ATP11C: variants seen among roughly 807,000 people sequenced by gnomAD.
ATP11C encodes ATPase phospholipid transporting 11C (ATP11C blood group).
ATP11C carries 36 observed loss-of-function variants against 97.4 expected under a neutral mutation model. That is an observed-to-expected ratio of 0.37 (90% CI 0.28 to 0.49). The LOEUF (loss-of-function observed/expected upper bound fraction) is 0.49, where lower values mean the gene tolerates loss of function less well. Ranked by LOEUF, ATP11C falls within the 20% of genes least tolerant of loss-of-function variation. The pLI, the probability that ATP11C is intolerant of heterozygous loss-of-function variation, is 0.98. For missense variants in ATP11C, 730 were observed against 824.6 expected (o/e 0.89, Z 1.40); for synonymous variants, 275 against 290.9 (o/e 0.95, Z 0.56).
chrX:139,777,499 A>G (rs961260210), intron 18 of ATP11C, among the ~76,000 whole-genome samples: 1 of 110,993 alleles, frequency 9.0e-6, no homozygotes, highest in African/African-American at 3.3e-5. Flanking sequence ...AACATGAGCA[A>G]AGTCTTTGAG....
intron 1 of ATP11C, among the ~76,000 whole-genome samples, chrX:139,844,813 C>T (rs1192058643): frequency 8.9e-6 from 1 of 111,842 alleles, no homozygotes; most frequent in Non-Finnish European, 1.9e-5. Context: ...AGAAAGCCAA[C>T]TCTATCTCAG....
chrX:139,805,882 T>C (rs984493211), intron 5 of ATP11C, among the ~76,000 whole-genome samples: 7 of 112,574 alleles, frequency 6.2e-5, no homozygotes, highest in Non-Finnish European at 1.1e-4. Context: ...GCATCAATAA[T>C]TGAACTAACT....
chrX:139,754,095 A>C (rs747618126), intron 23 of ATP11C, among the ~76,000 whole-genome samples: 5 of 111,584 alleles, frequency 4.5e-5, no homozygotes, highest in Non-Finnish European at 7.5e-5. Context: ...CTAATACAGA[A>C]AAAAAAGAGA....
intron 1 of ATP11C, among the ~76,000 whole-genome samples, chrX:139,860,874 T>G (rs1248560414): frequency 8.9e-6 from 1 of 112,160 alleles, no homozygotes. Context: ...CTAATAACCT[T>G]GAAACCATCA....
At chrX:139,905,690 T>C (rs1259937791) in intron 1 of ATP11C, among the ~76,000 whole-genome samples, 2 of 112,056 alleles carry the variant, frequency 1.8e-5, no homozygotes, top group East Asian at 5.6e-4. Context: ...GGAAAAGTTT[T>C]TTTTTTAAAG....
At chrX:139,757,296 G>A (rs1012048709) in intron 23 of ATP11C, among the ~76,000 whole-genome samples, 2 of 111,329 alleles carry the variant, frequency 1.8e-5, no homozygotes, top group African/African-American at 6.5e-5. Flanking sequence ...AAGATGTCTC[G>A]CCATCCTACC....
intron 1 of ATP11C, among the ~76,000 whole-genome samples, chrX:139,861,269 G>C (rs1352103561): frequency 1.8e-5 from 2 of 111,781 alleles, no homozygotes; most frequent in Non-Finnish European, 3.8e-5. Flanking sequence ...GTAGATCTGA[G>C]AAGCATGAAG....
At chrX:139,873,651 G>C (rs756979981) in intron 1 of ATP11C, among the ~76,000 whole-genome samples, 2 of 94,194 alleles carry the variant, frequency 2.1e-5, no homozygotes, top group African/African-American at 8.2e-5. Context: ...AGGCTGCAGC[G>C]AGCCAAGATC....
At chrX:139,800,590 G>T (rs2082906598) in intron 7 of ATP11C, among the ~76,000 whole-genome samples, 1 of 111,597 alleles carries the variant, frequency 9.0e-6, no homozygotes, top group Non-Finnish European at 1.9e-5. Context: ...TTCTGATTCA[G>T]GTTCCCCAGT....
chrX:139,782,661 C>G lies in ATP11C; in HGVS notation c.1838G>C (p.Arg613Thr). Residue 613 changes from arginine (R) to threonine (T), a missense_variant, in exon 18 of 30, where the codon AGA (arginine) becomes ACA (threonine). Arg to Thr is a moderately conservative substitution (Grantham distance 71). Coordinates refer to ENST00000682941, the MANE Select transcript of ATP11C (RefSeq NM_001353812.2). ...GGCCATTTTTGCCTCTATGAGCTGT[C>G]TGTTAATTCTTTCATAATCATCTGG... ...IAPDDYERIN[R>T]QLIEAKMALQ... The G allele has an allele frequency of 8.3e-7, 1 of 1,205,991 alleles. No homozygotes were observed. Among genetic ancestry groups the G allele is most frequent in the Non-Finnish European group, 1.1e-6 (1 of 891,782 alleles).
intron 1 of ATP11C, among the ~76,000 whole-genome samples, chrX:139,929,787 T>A (rs1048595014): frequency 1.8e-5 from 2 of 111,987 alleles, no homozygotes; most frequent in Non-Finnish European, 3.8e-5. Flanking sequence ...AATTCTAGTC[T>A]TCTAGTAATT....
At chrX:139,836,620 T>TA (rs1010018461) in intron 1 of ATP11C, among the ~76,000 whole-genome samples, 33 of 111,898 alleles carry the variant, frequency 2.9e-4, no homozygotes, top group Admixed American at 2.6e-3. Context: ...GTTCATGTGC[T>TA]AATGCCTTTA....
intron 1 of ATP11C, among the ~76,000 whole-genome samples, chrX:139,835,348 T>C (rs2083730653): frequency 2.7e-5 from 3 of 111,330 alleles, no homozygotes; most frequent in Non-Finnish European, 5.7e-5. Flanking sequence ...TTTCTTCATA[T>C]GTAACTTGGA....
At chrX:139,934,198 C>G (rs1033787860), upstream of ATP11C, among the ~76,000 whole-genome samples, 1 of 111,462 alleles carries the variant, frequency 9.0e-6, no homozygotes, top group Admixed American at 9.5e-5. Flanking sequence ...GCGGCTCGAA[C>G]GAAAGCTAAA....
At chrX:139,794,718 G>C (rs761503426) in intron 12 of ATP11C, among the ~76,000 whole-genome samples, 2 of 112,185 alleles carry the variant, frequency 1.8e-5, no homozygotes, top group African/African-American at 6.5e-5. Flanking sequence ...TATGGAATCT[G>C]CTGAAATGAA....
chrX:139,903,510 G>T (rs1051308193), intron 1 of ATP11C, among the ~76,000 whole-genome samples: 1 of 109,367 alleles, frequency 9.1e-6, no homozygotes, highest in African/African-American at 3.3e-5. Flanking sequence ...CCCAGGAAGG[G>T]CCTGGAAGCT....
intron 25 of ATP11C, among the ~76,000 whole-genome samples, chrX:139,743,877 G>A (rs1211357613): frequency 2.7e-5 from 3 of 111,743 alleles, no homozygotes; most frequent in African/African-American, 9.8e-5. Flanking sequence ...CAGCACTGAA[G>A]AGGGAACTCA....
At chrX:139,760,882 G>A (rs766988690) in intron 22 of ATP11C, among the ~76,000 whole-genome samples, 6 of 112,117 alleles carry the variant, frequency 5.4e-5, no homozygotes, top group Non-Finnish European at 7.5e-5. Context: ...ATACCAATAC[G>A]TACAAGGTTT....
At chrX:139,760,986 A>G (rs2082026444) in intron 22 of ATP11C, among the ~76,000 whole-genome samples, 1 of 111,933 alleles carries the variant, frequency 8.9e-6, no homozygotes, top group South Asian at 3.8e-4. Flanking sequence ...TATACACTTT[A>G]AAATGGTGAA....
Sources: allele counts gnomAD v4.1 joint callset (sites outside exome capture counted in the v4.1 genomes callset), GRCh38; gene constraint gnomAD v4.1.1; transcripts MANE v1.5; gene names NCBI Gene and HGNC (gene_info 2026-07-23, HGNC 2026-07-21).